N4BP2: variants seen among roughly 807,000 people sequenced by gnomAD.
N4BP2 encodes the protein NEDD4 binding protein 2, also known as NEDD4-binding protein 2.
In N4BP2, 91 loss-of-function variants were observed where a neutral mutation model predicts 152.8. The observed-to-expected ratio is 0.60, with a 90% confidence interval of 0.50 to 0.71. The LOEUF (loss-of-function observed/expected upper bound fraction) is 0.71. Ranked by LOEUF, N4BP2 falls within the 30% of genes least tolerant of loss-of-function variation. The pLI, the probability that N4BP2 is intolerant of heterozygous loss-of-function variation, is 0.00. For synonymous variants in N4BP2, 646 were observed against 705.3 expected (o/e 0.92, Z 1.33); for missense variants, 1,923 against 2,059.1 (o/e 0.93, Z 1.28).
intron 16 of N4BP2, among the ~76,000 whole-genome samples, chr4:40,145,564 G>C: frequency 6.6e-6 from 1 of 152,276 alleles, no homozygotes; most frequent in Middle Eastern, 3.4e-3. Context: ...CTAGAAAACA[G>C]TAAAGATTAG....
At chr4:40,112,470 C>A (rs149004458) in intron 6 of N4BP2, among the ~76,000 whole-genome samples, 257 of 151,702 alleles carry the variant, frequency 1.7e-3, no homozygotes, top group African/African-American at 5.8e-3. Flanking sequence ...TTGTTTGTAC[C>A]TATGTTATAT....
At chr4:40,086,963 G>A (rs78648205) in intron 2 of N4BP2, among the ~76,000 whole-genome samples, 26,945 of 151,806 alleles carry the variant, frequency 0.18, 3,098 homozygotes, top group Admixed American at 0.26. Flanking sequence ...TGCCCAGGCT[G>A]GTTTCGAACT....
In N4BP2 at chr4:40,112,091, A is replaced by C; in HGVS notation, c.1506A>C (p.Glu502Asp). The C allele has an allele frequency of 2.0e-6, 3 of 1,495,110 alleles. No individual in the cohort carries two copies. The South Asian group carries it at 3.6e-5, about 18-fold the overall frequency. The allele number at this position is 1,495,110 out of a possible 1,614,324, so 92.6% of individuals were successfully genotyped here. The part of the protein sequence containing the change: ...AHEWNQNRAK[E>D]AFEKKISPII... ...TTATGTTATGTTTTTCAGCAAAAGA[A>C]GCATTTGAGAAGAAGATATCTCCTA... is the stretch of plus-strand genomic sequence containing the variant. Residue 502 changes from glutamate to aspartate, a missense_variant, in exon 6 of 18, where the codon GAA becomes GAC. By Grantham distance (45) the Glu-to-Asp change is conservative. Coordinates refer to ENST00000261435, the MANE Select transcript of N4BP2 (RefSeq NM_018177.6).
At chr4:40,124,681 GAAATA>G (rs1046959621) in intron 11 of N4BP2, among the ~76,000 whole-genome samples, 16 of 152,098 alleles carry the variant, frequency 1.1e-4, no homozygotes, top group African/African-American at 3.9e-4. Context: ...TTATTGATAT[GAAATA>G]AAATAAAACT....
the N4BP2 span, among the ~76,000 whole-genome samples, chr4:40,170,070 AAG>A: frequency 2.6e-5 from 4 of 152,080 alleles, no homozygotes; most frequent in South Asian, 2.1e-4. Context: ...TCTCTGAAAA[AAG>A]AGAAACGTCT....
At chr4:40,132,271 C>T (rs1034392452) in intron 13 of N4BP2, among the ~76,000 whole-genome samples, 1 of 152,006 alleles carries the variant, frequency 6.6e-6, no homozygotes, top group Admixed American at 6.6e-5. Context: ...TACAGTTGTC[C>T]TTCAGTATCT....
intron 1 of N4BP2, among the ~76,000 whole-genome samples, chr4:40,059,597 G>A (rs1205145571): frequency 1.3e-5 from 2 of 150,980 alleles, no homozygotes; most frequent in East Asian, 1.9e-4. Context: ...TGATCCGCCC[G>A]CTTTGGCCTC....
At position 40,120,950 on chromosome 4, in the gene N4BP2, G is replaced by A; in HGVS notation, c.2839G>A (p.Gly947Arg). ...KLKTLGSSNL[G>R]SSEMLLSEMT... Reference sequence around the variant, plus strand: ...AAAGACATTGGGTAGCTCCAATCTAGGAAGTTCTGAAATGCTGCTCAGTGA... The same window carrying A: ...AAAGACATTGGGTAGCTCCAATCTAAGAAGTTCTGAAATGCTGCTCAGTGA... Residue 947 changes from glycine (G) to arginine (R), a missense_variant, in exon 9 of 18, where the codon GGA (glycine) becomes AGA (arginine). Coordinates refer to ENST00000261435, the MANE Select transcript of N4BP2 (RefSeq NM_018177.6). 1.2e-6 allele frequency: 2 copies of A among 1,614,160 alleles called. No homozygotes were observed. The highest frequency in any genetic ancestry group is 1.7e-6 in the Non-Finnish European group (2 of 1,180,012).
chr4:40,149,449 T>G (rs1351474078), intron 16 of N4BP2, among the ~76,000 whole-genome samples: 4 of 152,214 alleles, frequency 2.6e-5, no homozygotes, highest in Non-Finnish European at 5.9e-5. Flanking sequence ...GTGACTGCTA[T>G]GAGGCACAGA....
chr4:40,163,875 G>A, the N4BP2 span, among the ~76,000 whole-genome samples: 7,631 of 152,304 alleles, frequency 0.05, 614 homozygotes, highest in East Asian at 0.4. Context: ...CATGTTCAGA[G>A]AGATTATAGA....
chr4:40,182,961 G>C, the N4BP2 span, among the ~76,000 whole-genome samples: 1 of 152,130 alleles, frequency 6.6e-6, no homozygotes, highest in Non-Finnish European at 1.5e-5. Context: ...ACAGACATGA[G>C]CCACCATGCG....
intron 14 of N4BP2, chr4:40,142,278 C>A: frequency 3.1e-6 from 1 of 322,200 alleles, no homozygotes; most frequent in South Asian, 3.3e-5. Context: ...TGCTCTGGTT[C>A]CTTTGGATCA....
At chr4:40,060,351 TCTC>T (rs1479504438) in intron 1 of N4BP2, among the ~76,000 whole-genome samples, 1 of 151,140 alleles carries the variant, frequency 6.6e-6, no homozygotes, top group Non-Finnish European at 1.5e-5. Context: ...TTCAAGCAAT[TCTC>T]CTGCCTCAGC....
intron 1 of N4BP2, among the ~76,000 whole-genome samples, chr4:40,059,171 T>C (rs1432017677): frequency 1.3e-5 from 2 of 152,298 alleles, no homozygotes; most frequent in South Asian, 4.1e-4. Context: ...CTTTTCATCA[T>C]GATTAGCCAT....
intron 1 of N4BP2, among the ~76,000 whole-genome samples, chr4:40,069,580 A>G (rs1711943502): frequency 1.3e-5 from 2 of 152,040 alleles, no homozygotes; most frequent in South Asian, 2.1e-4. Context: ...TTTTTGAATT[A>G]CATGTTTCAT....
At chr4:40,136,379 T>TATCTATCTATCAATC (rs1553926174) in intron 13 of N4BP2, among the ~76,000 whole-genome samples, 81 of 150,354 alleles carry the variant, frequency 5.4e-4, no homozygotes, top group Non-Finnish European at 2.5e-4. Context: ...TCTATCTATC[T>TATCTATCTATCAATC]ATCTATCTAT....
intron 13 of N4BP2, among the ~76,000 whole-genome samples, chr4:40,133,545 A>C (rs1450361896): frequency 6.6e-6 from 1 of 152,132 alleles, no homozygotes; most frequent in East Asian, 1.9e-4. Context: ...TATGTTGGCC[A>C]GGCTGGTCTC....
chr4:40,057,268 A>C (rs1168543529), intron 1 of N4BP2: 4 of 152,356 alleles, frequency 2.6e-5, no homozygotes, highest in African/African-American at 9.6e-5. Context: ...CCTGGCGCTC[A>C]GCCCGAGGCC....
intron 16 of N4BP2, among the ~76,000 whole-genome samples, chr4:40,147,920 T>C (rs1167830580): frequency 2.2e-5 from 3 of 136,950 alleles, no homozygotes; most frequent in African/African-American, 8.6e-5. Flanking sequence ...CTCCCCACAT[T>C]TCAGACGATG....
Sources: gnomAD v4.1 joint callset for allele counts (sites outside exome capture counted in the v4.1 genomes callset) on GRCh38, gnomAD v4.1.1 for gene constraint, MANE v1.5 for transcripts, NCBI Gene and HGNC (gene_info 2026-07-23, HGNC 2026-07-21) for gene names.